Variants in KLRC1 observed in about 807,000 individuals in gnomAD.
KLRC1 encodes the protein killer cell lectin like receptor C1, also known as NKG2-A/NKG2-B type II integral membrane protein.
A neutral mutation model predicts 25.9 loss-of-function variants in KLRC1; 22 were observed. The ratio of observed to expected loss-of-function variants is 0.85; its 90% CI spans 0.61 to 1.21. The LOEUF (loss-of-function observed/expected upper bound fraction) is 1.21, where lower values mean the gene tolerates loss of function less well. Ranked by LOEUF, KLRC1 falls within the 50% of genes most tolerant of loss-of-function variation. The pLI is 0.00. For synonymous variants in KLRC1, 77 were observed against 93.1 expected (o/e 0.83, Z 0.99); for missense variants, 240 against 272.2 (o/e 0.88, Z 0.83).
In KLRC1 at chr12:10,451,000, G is replaced by C; in HGVS notation, c.157C>G (p.Gln53Glu). ...CAGTGATAGGTTTTGTCATTCCCTT[G>C]AAAATCCTGAGAAGCTTTTTGAAGG... is the stretch of plus-strand genomic sequence containing the variant. ...LNLQKASQDF[Q>E]GNDKTYHCKD... Residue 53 changes from glutamine (Q) to glutamate (E), a missense_variant, in exon 2 of 7, where the codon CAA (glutamine) becomes GAA (glutamate). Gln to Glu is a conservative substitution (Grantham distance 29, BLOSUM62 2). Coordinates refer to ENST00000359151, the MANE Select transcript of KLRC1 (RefSeq NM_002259.5). 1 of 1,613,022 alleles carries C rather than the reference G, an allele frequency of 6.2e-7. No homozygotes were observed. The highest frequency in any genetic ancestry group is 8.5e-7 in the Non-Finnish European group (1 of 1,179,490).
intron 1 of KLRC1, 115 bp from the exon 2 acceptor site, chr12:10,451,302 T>A: frequency 1.9e-6 from 1 of 513,030 alleles, no homozygotes; most frequent in Non-Finnish European, 3.1e-6. Context: ...TTAAATAATC[T>A]AAAGTTCTTT....
Position 10,449,403 on chromosome 12 carries a change from G to A in KLRC1, c.338-15C>T. The A allele has an allele frequency of 6.2e-7, 1 of 1,612,104 alleles. No individual in the cohort carries two copies. Among genetic ancestry groups the A allele is most frequent in the Non-Finnish European group, 8.5e-7 (1 of 1,179,168 alleles). ...ACAATGACGTGCTAAATAAAGATAT[G>A]AATTACTATCTAGACCAATATGAAT... On this transcript the variant is annotated splice_polypyrimidine_tract_variant and intron_variant, in intron 4 of 6. Coordinates refer to ENST00000359151, the MANE Select transcript of KLRC1 (RefSeq NM_002259.5).
chr12:10,447,766 C>T (rs1445865019), intron 5 of KLRC1, 134 bp from the exon 6 acceptor site: 15 of 715,634 alleles, frequency 2.1e-5, no homozygotes, highest in Non-Finnish European at 3.4e-5. Context: ...TATAAATGAA[C>T]CCGTCAATGT....
chr12:10,446,469 A>T lies in KLRC1; in HGVS notation c.*82T>A. Reference sequence around the variant, plus strand: ...TAGAGCAAATAACATAATTCATTTTAAGATTTATGCAATCATAATATATTT... The same window carrying T: ...TAGAGCAAATAACATAATTCATTTTTAGATTTATGCAATCATAATATATTT... On this transcript the variant is annotated 3_prime_UTR_variant, in exon 7 of 7. Transcript: ENST00000359151. 6.8e-7 allele frequency: 1 copy of T among 1,473,848 alleles called. No individual in the cohort carries two copies. Among genetic ancestry groups the T allele is most frequent in the Non-Finnish European group, 9.1e-7 (1 of 1,102,918 alleles). 91.3% of individuals were successfully genotyped at this position (1,473,848 alleles called of 1,614,324 possible).
chr12:10,450,845 T>A, intron 2 of KLRC1, 125 bp downstream of exon 2: 1 of 766,270 alleles, frequency 1.3e-6, no homozygotes, highest in Non-Finnish European at 2.2e-6. Flanking sequence ...ATAGCATATC[T>A]CAACTTGGAA....
Position 10,449,342 on chromosome 12 carries a change from G to T in KLRC1, c.384C>A (p.Asn128Lys). The change falls in exon 5 of 7, where the codon AAC (asparagine) becomes AAA (lysine). Residue 128 changes from asparagine to lysine, a missense_variant. Asn to Lys is a moderately conservative substitution (Grantham distance 94). Transcript: ENST00000359151. ...HCPEEWITYS[N>K]SCYYIGKERR... ...TTTCCTTACCAATGTAGTAACAACT[G>T]TTGGAATATGTAATCCACTCCTCAG... The T allele has an allele frequency of 1.9e-6, 3 of 1,613,882 alleles. No homozygotes were observed. Among genetic ancestry groups the T allele is most frequent in the Non-Finnish European group, 2.5e-6 (3 of 1,179,842 alleles).
downstream of KLRC1, among the ~76,000 whole-genome samples, chr12:10,445,469 GAAT>G (rs1268960408): frequency 6.6e-6 from 1 of 152,024 alleles, no homozygotes; most frequent in Non-Finnish European, 1.5e-5. Flanking sequence ...TTGTAAATAT[GAAT>G]AATATGTTTA....
chr12:10,443,718 A>G (rs187689031), downstream of KLRC1, among the ~76,000 whole-genome samples: 9 of 141,050 alleles, frequency 6.4e-5, 1 homozygote, highest in African/African-American at 1.4e-4. Context: ...ATTTTTCCCA[A>G]ATACACTGTA....
chr12:10,450,179 T>C, intron 3 of KLRC1: 1 of 441,534 alleles, frequency 2.3e-6, no homozygotes, highest in Non-Finnish European at 3.9e-6. Flanking sequence ...CATATAGTTC[T>C]TATAATTCTT....
chr12:10,448,997 T>G (rs1000255643), intron 5 of KLRC1, among the ~76,000 whole-genome samples: 2 of 152,166 alleles, frequency 1.3e-5, no homozygotes, highest in African/African-American at 4.8e-5. Flanking sequence ...CAAAATGTAT[T>G]GTGGATTGAA....
upstream of KLRC1, among the ~76,000 whole-genome samples, chr12:10,454,131 G>T (rs994226412): frequency 2.6e-5 from 4 of 152,198 alleles, no homozygotes; most frequent in Non-Finnish European, 5.9e-5. Context: ...ATCTTACTAG[G>T]AGGAAAGTCA....
rs1864085397 is a variant in KLRC1 at position 10,449,913 on chromosome 12, C to T, written c.337+1G>A. On this transcript the variant is annotated splice_donor_variant, in intron 4 of 6. Coordinates refer to ENST00000359151, the MANE Select transcript of KLRC1 (RefSeq NM_002259.5). LOFTEE classifies it high-confidence loss of function. The stretch of plus-strand genomic sequence containing the variant: ...TTAAAACTTTAAAAATTATTATATA[C>T]CTTTCTGAGTTCTTGTATTCAGGGA... 4.8e-6 allele frequency: 7 copies of T among 1,472,816 alleles called. No individual in the cohort carries two copies. The highest frequency in any genetic ancestry group is 1.5e-5 in the African/African-American group (1 of 67,844). The allele number at this position is 1,472,816 out of a possible 1,614,324, so 91.2% of individuals were successfully genotyped here. A position where few individuals can be genotyped will look rare whatever the true frequency, so the allele number is the denominator to read the frequency against.
intron 1 of KLRC1, 166 bp from the exon 2 acceptor site, chr12:10,451,353 T>G (rs1247819574): frequency 6.7e-6 from 3 of 446,000 alleles, no homozygotes; most frequent in Non-Finnish European, 1.1e-5. Context: ...CTTATGAATA[T>G]TTGTTTTAAA....
At position 10,450,497 on chromosome 12, in the gene KLRC1, T is replaced by C. The variant is rs754257909; in HGVS notation, c.270A>G (p.Ile90Met). 1.0e-5 allele frequency: 16 copies of C among 1,595,576 alleles called. No individual in the cohort carries two copies. Among genetic ancestry groups the C allele is most frequent in the Non-Finnish European group, 7.7e-6 (9 of 1,163,900 alleles). The change falls in exon 3 of 7, where the codon ATA (isoleucine) becomes ATG (methionine). Residue 90 changes from isoleucine (I) to methionine (M), a missense_variant. Transcript: ENST00000359151. ...AAATAGACTTACAGGGAATAACAAC[T>C]ATCGTTACCACAGAGGCCATTAAGA... ...CLILMASVVT[I>M]VVIPSTLIQR...
intron 1 of KLRC1, among the ~76,000 whole-genome samples, chr12:10,452,835 G>T (rs7953443): frequency 6.6e-6 from 1 of 151,948 alleles, no homozygotes; most frequent in South Asian, 2.1e-4. Context: ...TCAATTGATT[G>T]ATTTATTTTA....
intron 4 of KLRC1, 110 bp from the exon 5 acceptor site, chr12:10,449,498 A>G (rs1864075307): frequency 6.6e-7 from 1 of 1,508,252 alleles, no homozygotes; most frequent in Admixed American, 2.2e-5. Context: ...ATATCTATAC[A>G]TCTTCATGGG....
intron 3 of KLRC1, 70 bp downstream of exon 3, chr12:10,450,414 T>C (rs1864097617): frequency 2.5e-6 from 2 of 812,374 alleles, no homozygotes; most frequent in Admixed American, 4.3e-5. Context: ...CCTGAAAATA[T>C]GAAATGTTTA....
upstream of KLRC1, chr12:10,453,462 A>C: frequency 1.3e-4 from 71 of 526,994 alleles, no homozygotes; most frequent in Non-Finnish European, 1.7e-4. Context: ...GTTTTATCTC[A>C]TCACACACCT....
At chr12:10,445,306 A>G (rs1328000464), downstream of KLRC1, among the ~76,000 whole-genome samples, 1 of 152,208 alleles carries the variant, frequency 6.6e-6, no homozygotes, top group Admixed American at 6.5e-5. Context: ...AAAAAATAAA[A>G]GTAGTTTATA....
Sources: allele counts gnomAD v4.1 joint callset (sites outside exome capture counted in the v4.1 genomes callset), GRCh38; gene constraint gnomAD v4.1.1; transcripts MANE v1.5; gene names NCBI Gene and HGNC (gene_info 2026-07-23, HGNC 2026-07-21).